The following TSHZ2 variants were observed in gnomAD, a reference collection of about 807,000 sequenced individuals.
TSHZ2 encodes the protein teashirt homolog 2.
In TSHZ2, 21 loss-of-function variants were observed where a neutral mutation model predicts 74.4. The ratio of observed to expected loss-of-function variants is 0.28; its 90% confidence interval spans 0.20 to 0.41. TSHZ2 has a LOEUF of 0.41. Among genes scored for constraint, TSHZ2 ranks in the 10% least tolerant of loss-of-function variants. The pLI is 1.00. For missense variants in TSHZ2, 1,244 were observed against 1,293.5 expected, an observed-to-expected ratio of 0.96 and a Z score of 0.59; for synonymous variants, 540 against 515.3, an observed-to-expected ratio of 1.05 and a Z score of -0.65.
At chr20:52,987,778 A>G (rs1981828976) in intron 1 of TSHZ2, among the ~76,000 whole-genome samples, 1 of 152,188 alleles carries the variant, frequency 6.6e-6, no homozygotes, top group Admixed American at 6.5e-5. Flanking sequence ...CAATCCAGAA[A>G]ATAATTTAAG....
At chr20:53,159,723 G>T (rs758241247) in intron 1 of TSHZ2, among the ~76,000 whole-genome samples, 6 of 149,976 alleles carry the variant, frequency 4.0e-5, no homozygotes, top group Non-Finnish European at 7.4e-5. Flanking sequence ...AATAGGAATT[G>T]CTCTTATGAC....
intron 1 of TSHZ2, among the ~76,000 whole-genome samples, chr20:53,038,228 A>G (rs1478046808): frequency 1.0e-5 from 1 of 96,964 alleles, no homozygotes. Flanking sequence ...AAAAAAAAAA[A>G]AAAAAGAAAC....
chr20:53,087,202 A>AT (rs766180064), intron 1 of TSHZ2, among the ~76,000 whole-genome samples: 8 of 152,136 alleles, frequency 5.3e-5, no homozygotes, highest in Non-Finnish European at 5.9e-5. Context: ...AAAAAGGGAA[A>AT]TTTTTTTGCC....
At chr20:53,087,629 A>G (rs751042755) in intron 1 of TSHZ2, among the ~76,000 whole-genome samples, 9 of 152,226 alleles carry the variant, frequency 5.9e-5, no homozygotes, top group Non-Finnish European at 1.3e-4. Flanking sequence ...CAGACTGGCA[A>G]GGTCTTACAG....
chr20:53,339,269 G>A (rs1283276768), intron 2 of TSHZ2, among the ~76,000 whole-genome samples: 3 of 152,140 alleles, frequency 2.0e-5, no homozygotes, highest in Non-Finnish European at 4.4e-5. Flanking sequence ...GCTAATACCA[G>A]GCCCTATGCA....
chr20:53,264,933 T>G (rs1325796615), intron 2 of TSHZ2, among the ~76,000 whole-genome samples: 1 of 152,122 alleles, frequency 6.6e-6, no homozygotes, highest in Non-Finnish European at 1.5e-5. Flanking sequence ...TGGGAGAATC[T>G]GTTTATGTTG....
chr20:53,306,719 AAGG>A (rs1978561213), intron 2 of TSHZ2, among the ~76,000 whole-genome samples: 1 of 152,228 alleles, frequency 6.6e-6, no homozygotes, highest in African/African-American at 2.4e-5. Context: ...ATAATTAAGA[AAGG>A]AGAAGTTTTC....
intron 1 of TSHZ2, among the ~76,000 whole-genome samples, chr20:52,976,320 T>A (rs1319432135): frequency 6.6e-6 from 1 of 152,236 alleles, no homozygotes; most frequent in Non-Finnish European, 1.5e-5. Flanking sequence ...CTTCCTGGCT[T>A]TCTTAAGCTA....
intron 1 of TSHZ2, among the ~76,000 whole-genome samples, chr20:53,105,141 A>T (rs991204406): frequency 6.6e-6 from 1 of 152,200 alleles, no homozygotes; most frequent in African/African-American, 2.4e-5. Context: ...ACTAAGGAAC[A>T]CGAGAGTCTG....
chr20:53,120,864 C>A (rs1986789035), intron 1 of TSHZ2, among the ~76,000 whole-genome samples: 1 of 152,198 alleles, frequency 6.6e-6, no homozygotes, highest in South Asian at 2.1e-4. Flanking sequence ...TTTTCCTCTG[C>A]ACATTTATCA....
chr20:52,973,410 G>A, intron 1 of TSHZ2, 77 bp downstream of exon 1: 1 of 1,505,700 alleles, frequency 6.6e-7, no homozygotes, highest in Non-Finnish European at 9.0e-7. Context: ...CTGGGTGCCC[G>A]GGGGCACCAC....
chr20:52,990,412 C>T (rs1981936538), intron 1 of TSHZ2, among the ~76,000 whole-genome samples: 1 of 149,398 alleles, frequency 6.7e-6, no homozygotes, highest in African/African-American at 2.5e-5. Flanking sequence ...TATCAATAAT[C>T]CCAATAATAA....
intron 1 of TSHZ2, among the ~76,000 whole-genome samples, chr20:53,005,906 A>G (rs6013596): frequency 0.049 from 7,489 of 152,262 alleles, 200 homozygotes; most frequent in East Asian, 0.087. Flanking sequence ...TATACTCAAG[A>G]AATAATCCCA....
At chr20:53,172,299 A>G (rs1988221948) in intron 1 of TSHZ2, among the ~76,000 whole-genome samples, 1 of 151,922 alleles carries the variant, frequency 6.6e-6, no homozygotes, top group South Asian at 2.1e-4. Flanking sequence ...GCTTTTGAGG[A>G]TTTTCTTTTT....
chr20:53,413,799 AGT>A (rs1186812383), intron 2 of TSHZ2, among the ~76,000 whole-genome samples: 1 of 152,248 alleles, frequency 6.6e-6, no homozygotes. Context: ...GGAAATACCA[AGT>A]GTCTATAGTA....
At chr20:53,245,748 C>A (rs1990186708) in intron 1 of TSHZ2, among the ~76,000 whole-genome samples, 1 of 152,198 alleles carries the variant, frequency 6.6e-6, no homozygotes, top group South Asian at 2.1e-4. Context: ...GTTTACAATA[C>A]ACTTCCTCTT....
chr20:53,144,744 A>G (rs1987496966), intron 1 of TSHZ2, among the ~76,000 whole-genome samples: 1 of 152,112 alleles, frequency 6.6e-6, no homozygotes. Context: ...TATATATACT[A>G]TGTTCCTCGT....
chr20:52,988,813 C>G (rs1284558838), intron 1 of TSHZ2, among the ~76,000 whole-genome samples: 1 of 152,074 alleles, frequency 6.6e-6, no homozygotes, highest in Non-Finnish European at 1.5e-5. Flanking sequence ...TCGTGCTCAC[C>G]CACTCCACAG....
intron 2 of TSHZ2, among the ~76,000 whole-genome samples, chr20:53,466,918 T>G (rs1456384174): frequency 6.6e-6 from 1 of 152,252 alleles, no homozygotes; most frequent in Non-Finnish European, 1.5e-5. Flanking sequence ...CTAGTTAGTT[T>G]CATTGACAGC....
Sources: gnomAD v4.1 joint callset for allele counts (sites outside exome capture counted in the v4.1 genomes callset) on GRCh38, gnomAD v4.1.1 for gene constraint, MANE v1.5 for transcripts, NCBI Gene and HGNC (gene_info 2026-07-23, HGNC 2026-07-21) for gene names.